AGBL1: variants seen among roughly 807,000 people sequenced by gnomAD.
AGBL1 encodes the protein cytosolic carboxypeptidase 4.
In AGBL1, 130 loss-of-function variants were observed where a neutral mutation model predicts 118.9. That is an observed-to-expected ratio of 1.09 (90% confidence interval 0.95 to 1.26). AGBL1 has a LOEUF of 1.26. Among genes scored for constraint, AGBL1 ranks in the 50% most tolerant of loss-of-function variants. The probability of loss-of-function intolerance (pLI) is 0.00; values close to 1 mark genes in which losing one functional copy is unlikely to be tolerated. For synonymous variants in AGBL1, 555 were observed against 478.9 expected (o/e 1.16, Z -2.08); for missense variants, 1,584 against 1,298.1 (o/e 1.22, Z -3.38).
At chr15:86,298,996 T>A (rs1035700851) in intron 17 of AGBL1, among the ~76,000 whole-genome samples, 3 of 152,200 alleles carry the variant, frequency 2.0e-5, no homozygotes, top group Admixed American at 2.0e-4. Flanking sequence ...TGATTTATTT[T>A]TCAAAAGCAT....
At chr15:86,290,060 C>T (rs2079519599) in intron 16 of AGBL1, among the ~76,000 whole-genome samples, 2 of 152,112 alleles carry the variant, frequency 1.3e-5, no homozygotes, top group East Asian at 1.9e-4. Context: ...ATTACTATAT[C>T]GATGTAAGTT....
intron 18 of AGBL1, among the ~76,000 whole-genome samples, chr15:86,463,231 G>A (rs140044802): frequency 0.011 from 1,589 of 151,192 alleles, 24 homozygotes; most frequent in African/African-American, 0.037. Flanking sequence ...CTGCATAAAT[G>A]TCTTATTTTG....
chr15:86,519,054 C>G (rs2083155270), intron 18 of AGBL1, among the ~76,000 whole-genome samples: 1 of 151,980 alleles, frequency 6.6e-6, no homozygotes, highest in Non-Finnish European at 1.5e-5. Context: ...GATAATTTTT[C>G]CCTGTAACTT....
chr15:86,566,525 A>AT lies in AGBL1; in HGVS notation c.2994+11996dup, dbSNP rs894397777. Reference sequence around the variant, plus strand: ...GAGTAGATCTTCAGTGAAACAGCCAATTTTTTTTATAGCAGGGAACCTCCT... The same window carrying AT: ...GAGTAGATCTTCAGTGAAACAGCCAATTTTTTTTTATAGCAGGGAACCTCCT... On this transcript the variant is annotated intron_variant, in intron 21 of 22. Coordinates refer to ENST00000614907, the MANE Select transcript of AGBL1 (RefSeq NM_001386094.1). Among the ~76,000 whole-genome samples the AT allele has an allele frequency of 2.1e-4, 32 of 151,808 alleles. 1 individual carries two copies. The highest frequency in any genetic ancestry group is 6.5e-4 in the African/African-American group (27 of 41,278).
intron 19 of AGBL1, among the ~76,000 whole-genome samples, chr15:86,537,023 G>A (rs2083436011): frequency 6.6e-6 from 1 of 152,226 alleles, no homozygotes; most frequent in Non-Finnish European, 1.5e-5. Context: ...ATCGCAGACA[G>A]TGAGGGTTGC....
intron 23 of AGBL1, among the ~76,000 whole-genome samples, chr15:86,940,637 T>G (rs1323361302): frequency 1.3e-5 from 2 of 152,204 alleles, no homozygotes; most frequent in Non-Finnish European, 2.9e-5. Flanking sequence ...TCACTTATGC[T>G]GAGGCTCCAC....
chr15:86,210,477 C>T (rs973530466), intron 5 of AGBL1, among the ~76,000 whole-genome samples: 1 of 152,150 alleles, frequency 6.6e-6, no homozygotes, highest in Non-Finnish European at 1.5e-5. Flanking sequence ...TTGGTCTTTC[C>T]CATAGTCCCA....
At chr15:86,360,955 TTTTTCTA>T (rs2141920862) in intron 17 of AGBL1, among the ~76,000 whole-genome samples, 1 of 152,060 alleles carries the variant, frequency 6.6e-6, no homozygotes, top group Admixed American at 6.5e-5. Flanking sequence ...TTTGTAATTG[TTTTTCTA>T]TTTTCTATTT....
intron 18 of AGBL1, among the ~76,000 whole-genome samples, chr15:86,492,913 G>C (rs1387382858): frequency 1.3e-5 from 2 of 151,852 alleles, no homozygotes; most frequent in Non-Finnish European, 2.9e-5. Flanking sequence ...TATAGGCCAG[G>C]ATTATAGGCT....
chr15:86,291,145 G>C (rs75286864), intron 16 of AGBL1, among the ~76,000 whole-genome samples: 5,008 of 152,182 alleles, frequency 0.033, 184 homozygotes, highest in East Asian at 0.17. Flanking sequence ...TTTCAATAAA[G>C]ATAAGGTAGT....
chr15:86,274,886 A>T (rs1333027735), intron 15 of AGBL1, among the ~76,000 whole-genome samples: 1 of 152,116 alleles, frequency 6.6e-6, no homozygotes, highest in Non-Finnish European at 1.5e-5. Context: ...GCCTGTGGTC[A>T]GTTGATCACC....
intron 23 of AGBL1, among the ~76,000 whole-genome samples, chr15:86,978,048 G>T (rs1472238926): frequency 6.6e-6 from 1 of 152,030 alleles, no homozygotes; most frequent in Non-Finnish European, 1.5e-5. Flanking sequence ...TTAGATAAAA[G>T]CAGTATTATT....
At chr15:86,227,906 C>T (rs764189738) in intron 6 of AGBL1, among the ~76,000 whole-genome samples, 1 of 152,138 alleles carries the variant, frequency 6.6e-6, no homozygotes, top group Admixed American at 6.5e-5. Flanking sequence ...AGTAGAAAGT[C>T]CAATGTGTGG....
At chr15:86,251,820 T>G (rs1321758225) in intron 7 of AGBL1, among the ~76,000 whole-genome samples, 2 of 103,742 alleles carry the variant, frequency 1.9e-5, no homozygotes, top group Non-Finnish European at 3.7e-5. Flanking sequence ...AATGCAAGAT[T>G]GAAAAAAAAA....
chr15:86,887,958 C>A (rs2079994364), intron 22 of AGBL1, among the ~76,000 whole-genome samples: 1 of 152,084 alleles, frequency 6.6e-6, no homozygotes, highest in South Asian at 2.1e-4. Context: ...TTACTCTAAA[C>A]CCTCTGGAAA....
At chr15:86,982,480 G>T (rs1236173953) in intron 23 of AGBL1, among the ~76,000 whole-genome samples, 2 of 151,668 alleles carry the variant, frequency 1.3e-5, no homozygotes, top group African/African-American at 4.8e-5. Flanking sequence ...ATATGAATGT[G>T]ATCTCATTTA....
In AGBL1 at chr15:86,685,165, A is replaced by G. The variant is rs553977886; in HGVS notation, c.3158+10729A>G. 2.6e-5 allele frequency among the ~76,000 whole-genome samples: 4 copies of G among 152,296 alleles called. No homozygotes were observed. The East Asian group carries it at 5.8e-4, about 22-fold the overall frequency. ...TACAAGGGGCTTAAATGTTCTTACCAGGAATGTCAATAGGTACTATTTTCT... is the reference window on the plus strand; with the variant it reads ...TACAAGGGGCTTAAATGTTCTTACCGGGAATGTCAATAGGTACTATTTTCT... On this transcript the variant is annotated intron_variant, in intron 22 of 22. Transcript: ENST00000614907.
At chr15:86,665,455 G>A (rs1406824334) in intron 21 of AGBL1, among the ~76,000 whole-genome samples, 1 of 152,080 alleles carries the variant, frequency 6.6e-6, no homozygotes, top group Admixed American at 6.6e-5. Flanking sequence ...AGCCTACGAT[G>A]AGAAGAGAAT....
chr15:86,719,915 T>C (rs2086691696), intron 22 of AGBL1, among the ~76,000 whole-genome samples: 1 of 152,198 alleles, frequency 6.6e-6, no homozygotes, highest in Non-Finnish European at 1.5e-5. Context: ...CTGTGACACT[T>C]CTTTCCAGCC....
Sources: allele counts gnomAD v4.1 joint callset (sites outside exome capture counted in the v4.1 genomes callset), GRCh38; gene constraint gnomAD v4.1.1; transcripts MANE v1.5; gene names NCBI Gene and HGNC (gene_info 2026-07-23, HGNC 2026-07-21).